The following FANCB variants were observed in gnomAD, a reference collection of about 807,000 sequenced individuals.
FANCB encodes Fanconi anemia group B protein.
A neutral mutation model predicts 38.9 loss-of-function variants in FANCB; 5 were observed. The ratio of observed to expected loss-of-function variants is 0.13; its 90% CI spans 0.07 to 0.27. The LOEUF (loss-of-function observed/expected upper bound fraction) is 0.27, where lower values mean the gene tolerates loss of function less well. Among genes scored for constraint, FANCB ranks in the 10% least tolerant of loss-of-function variants. The pLI is 1.00. For synonymous variants in FANCB, 236 were observed against 215.4 expected (o/e 1.10, Z -0.84); for missense variants, 573 against 602.7 (o/e 0.95, Z 0.52).
At chrX:14,758,876 A>AT in the FANCB span, among the ~76,000 whole-genome samples, 1 of 110,777 alleles carries the variant, frequency 9.0e-6, no homozygotes, top group Non-Finnish European at 1.9e-5. Context: ...ATCAAGACGA[A>AT]ATCTCTGAAT....
At chrX:14,737,861 T>C in the FANCB span, among the ~76,000 whole-genome samples, 2 of 111,881 alleles carry the variant, frequency 1.8e-5, no homozygotes, top group African/African-American at 6.5e-5. Context: ...TCTCAATTCT[T>C]TTCCTTTCTC....
At chrX:14,718,931 A>ACC in the FANCB span, among the ~76,000 whole-genome samples, 1 of 111,738 alleles carries the variant, frequency 8.9e-6, no homozygotes, top group Non-Finnish European at 1.9e-5. Flanking sequence ...GGGGACATAG[A>ACC]CCCCTAACTC....
chrX:14,691,029 G>C, the FANCB span, among the ~76,000 whole-genome samples: 1,976 of 111,416 alleles, frequency 0.018, 12 homozygotes, highest in Non-Finnish European at 0.027. Flanking sequence ...AAATTGGGGA[G>C]GATTGTCAGA....
intron 6 of FANCB, among the ~76,000 whole-genome samples, chrX:14,851,189 G>T (rs1365446935): frequency 8.9e-6 from 1 of 112,007 alleles, no homozygotes; most frequent in African/African-American, 3.2e-5. Context: ...GTAGTAATAA[G>T]AATAATAGTA....
chrX:14,756,711 G>A, the FANCB span, among the ~76,000 whole-genome samples: 1 of 111,476 alleles, frequency 9.0e-6, no homozygotes, highest in South Asian at 3.8e-4. Flanking sequence ...TAGAAGCAGG[G>A]AGCTCTTCTC....
chrX:14,798,352 C>T, the FANCB span, among the ~76,000 whole-genome samples: 3,020 of 110,178 alleles, frequency 0.027, 99 homozygotes, highest in African/African-American at 0.094. Context: ...TTAGTAGAGA[C>T]GGGGTTTCAC....
In FANCB at chrX:14,864,552, T is replaced by C; in HGVS notation, c.951+8A>G. The stretch of plus-strand genomic sequence containing the variant: ...CCAACTGAATTATTATTACAATAAG[T>C]GTTGTACCTGAAAGCTCTCTTTCCA... On this transcript the variant is annotated splice_region_variant and intron_variant, in intron 3 of 9. Coordinates refer to ENST00000650831, the MANE Select transcript of FANCB (RefSeq NM_001018113.3). 1 of 1,053,474 alleles carries C rather than the reference T, an allele frequency of 9.5e-7. No individual in the cohort carries two copies. 86.8% of individuals were successfully genotyped at this position (1,053,474 alleles called of 1,213,427 possible).
the FANCB span, among the ~76,000 whole-genome samples, chrX:14,787,715 TA>T: frequency 1.9e-5 from 2 of 106,743 alleles, no homozygotes; most frequent in African/African-American, 6.8e-5. Context: ...ATCTATAAAT[TA>T]AAAATAAAAA....
the FANCB span, among the ~76,000 whole-genome samples, chrX:14,785,619 G>A: frequency 8.9e-6 from 1 of 112,074 alleles, no homozygotes; most frequent in African/African-American, 3.2e-5. Flanking sequence ...AAATCCAGTA[G>A]CACAATCCTC....
downstream of FANCB, among the ~76,000 whole-genome samples, chrX:14,840,665 T>C (rs1233522737): frequency 1.8e-5 from 2 of 112,524 alleles, no homozygotes; most frequent in African/African-American, 6.5e-5. Context: ...GACTGATTAC[T>C]AATAGCATGC....
chrX:14,726,517 G>T, the FANCB span, among the ~76,000 whole-genome samples: 1 of 112,315 alleles, frequency 8.9e-6, no homozygotes, highest in East Asian at 2.8e-4. Context: ...ATGCTCAGAA[G>T]CATAATTTGA....
At chrX:14,802,589 T>C in the FANCB span, among the ~76,000 whole-genome samples, 2 of 111,777 alleles carry the variant, frequency 1.8e-5, no homozygotes, top group East Asian at 2.8e-4. Flanking sequence ...GAAAATTCAA[T>C]GGGACACTAT....
At chrX:14,709,479 G>C in the FANCB span, among the ~76,000 whole-genome samples, 1 of 111,945 alleles carries the variant, frequency 8.9e-6, no homozygotes, top group Non-Finnish European at 1.9e-5. Flanking sequence ...TAATGAAGCA[G>C]AGAAAAGAGG....
At chrX:14,793,351 T>C in the FANCB span, among the ~76,000 whole-genome samples, 2 of 112,068 alleles carry the variant, frequency 1.8e-5, no homozygotes, top group African/African-American at 6.5e-5. Flanking sequence ...TGTCTAGAGT[T>C]AGCAAATGTG....
the FANCB span, among the ~76,000 whole-genome samples, chrX:14,738,817 A>G: frequency 8.9e-6 from 1 of 112,077 alleles, no homozygotes; most frequent in Non-Finnish European, 1.9e-5. Flanking sequence ...CATCTATGCC[A>G]CTGAACAGGA....
chrX:14,813,620 G>C, the FANCB span, among the ~76,000 whole-genome samples: 4 of 111,488 alleles, frequency 3.6e-5, no homozygotes, highest in East Asian at 1.1e-3. Flanking sequence ...ACTTACAAGG[G>C]ATGGGAAGGA....
At chrX:14,859,426 A>C in intron 3 of FANCB, 92 bp from the exon 4 acceptor site, 1 of 642,508 alleles carries the variant, frequency 1.6e-6, no homozygotes, top group South Asian at 2.7e-5. Context: ...TGTAGTTGTC[A>C]TTTGTAAAAC....
chrX:14,762,169 A>G, the FANCB span, among the ~76,000 whole-genome samples: 1 of 111,126 alleles, frequency 9.0e-6, no homozygotes, highest in Non-Finnish European at 1.9e-5. Context: ...GGCAAAACGG[A>G]AGAATGCTAT....
intron 7 of FANCB, among the ~76,000 whole-genome samples, chrX:14,850,085 C>T (rs2092394184): frequency 8.9e-6 from 1 of 112,327 alleles, no homozygotes; most frequent in Non-Finnish European, 1.9e-5. Context: ...CATGGTGGCT[C>T]ATGCCTGTAG....
Sources: allele counts gnomAD v4.1 joint callset (sites outside exome capture counted in the v4.1 genomes callset), GRCh38; gene constraint gnomAD v4.1.1; transcripts MANE v1.5; gene names NCBI Gene and HGNC (gene_info 2026-07-23, HGNC 2026-07-21).